SULT4A1: variants seen among roughly 807,000 people sequenced by gnomAD.
SULT4A1 encodes the protein sulfotransferase family 4A member 1.
SULT4A1 carries 11 observed loss-of-function variants against 35.2 expected under a neutral mutation model. The ratio of observed to expected loss-of-function variants is 0.31; its 90% CI spans 0.20 to 0.52. The LOEUF (loss-of-function observed/expected upper bound fraction) is 0.52, where lower values mean the gene tolerates loss of function less well. SULT4A1 is among the 20% of genes least tolerant of loss of function. The pLI is 0.97. For synonymous variants in SULT4A1, 152 were observed against 151.8 expected, an observed-to-expected ratio of 1.00 and a Z score of -0.01; for missense variants, 271 against 383.7, an observed-to-expected ratio of 0.71 and a Z score of 2.45.
At chr22:43,840,825 C>T (rs2063420981) in intron 2 of SULT4A1, among the ~76,000 whole-genome samples, 2 of 152,240 alleles carry the variant, frequency 1.3e-5, no homozygotes, top group African/African-American at 4.8e-5. Flanking sequence ...TTGCCTGCAA[C>T]CCCCAGGCTT....
chr22:43,840,886 C>T (rs952128466), intron 2 of SULT4A1, among the ~76,000 whole-genome samples: 10 of 152,126 alleles, frequency 6.6e-5, no homozygotes, highest in African/African-American at 2.2e-4. Flanking sequence ...TCTTTGCTCA[C>T]GGGTCCCTCT....
chr22:43,858,049 C>CAAAAA (rs11362056), intron 1 of SULT4A1, among the ~76,000 whole-genome samples: 3 of 91,764 alleles, frequency 3.3e-5, no homozygotes, highest in African/African-American at 4.6e-5. Flanking sequence ...GATCCTGTCT[C>CAAAAA]AAAAAAAAAA....
intron 1 of SULT4A1, among the ~76,000 whole-genome samples, chr22:43,845,354 C>T (rs935811213): frequency 6.6e-6 from 1 of 152,178 alleles, no homozygotes; most frequent in Non-Finnish European, 1.5e-5. Flanking sequence ...TGGGACCCAG[C>T]CAGCTCTGGG....
intron 1 of SULT4A1, among the ~76,000 whole-genome samples, chr22:43,845,474 G>A (rs574640421): frequency 3.3e-5 from 5 of 152,274 alleles, no homozygotes; most frequent in East Asian, 1.9e-4. Context: ...TGGCTCACCC[G>A]GCTCCTCTCC....
chr22:43,828,997 G>A, intron 6 of SULT4A1, 63 bp downstream of exon 6: 7 of 1,461,176 alleles, frequency 4.8e-6, no homozygotes, highest in Non-Finnish European at 5.5e-6. Context: ...CCCTAAGCAG[G>A]CAGAGAAAGC....
At chr22:43,856,843 C>T (rs146936115) in intron 1 of SULT4A1, among the ~76,000 whole-genome samples, 3 of 152,206 alleles carry the variant, frequency 2.0e-5, no homozygotes, top group African/African-American at 4.8e-5. Flanking sequence ...GTTGAAAAGC[C>T]GGCCTCATTT....
At chr22:43,843,438 AATTCTCTGACCTGCCTTTTCTG>A (rs1349737033) in intron 1 of SULT4A1, among the ~76,000 whole-genome samples, 2 of 151,930 alleles carry the variant, frequency 1.3e-5, no homozygotes, top group Non-Finnish European at 2.9e-5. Context: ...CAAAAAGAAA[AATTCTCTGACCTGCCTTTTCTG>A]ACTGTGTGGG....
At chr22:43,853,312 A>G (rs956612874) in intron 1 of SULT4A1, among the ~76,000 whole-genome samples, 1 of 152,194 alleles carries the variant, frequency 6.6e-6, no homozygotes, top group African/African-American at 2.4e-5. Context: ...GCTACGATCA[A>G]GCAAGGGTGA....
chr22:43,846,580 A>T (rs1209879909), intron 1 of SULT4A1, among the ~76,000 whole-genome samples: 2 of 152,236 alleles, frequency 1.3e-5, no homozygotes, highest in African/African-American at 2.4e-5. Flanking sequence ...TGAAGGAAGG[A>T]AGTGGTCTGG....
chr22:43,857,133 A>G (rs1409952504), intron 1 of SULT4A1, among the ~76,000 whole-genome samples: 1 of 152,190 alleles, frequency 6.6e-6, no homozygotes, highest in Non-Finnish European at 1.5e-5. Flanking sequence ...AAAAAACATA[A>G]CAGAAACATT....
At position 43,862,327 on chromosome 22, in the gene SULT4A1, T is replaced by C; in HGVS notation, c.56A>G (p.Tyr19Cys). ...PSTPGEFESK[Y>C]FEFHGVRLPP... ...CAGCCGCACGCCATGGAACTCGAAG[T>C]ACTTGCTCTCGAACTCCCCCGGGGT... The change falls in exon 1 of 7, where the codon TAC becomes TGC. Residue 19 changes from tyrosine to cysteine, a missense_variant. Tyr to Cys is a radical substitution (Grantham distance 194, BLOSUM62 -2). Coordinates refer to ENST00000330884, the MANE Select transcript of SULT4A1 (RefSeq NM_014351.4). 6.4e-7 allele frequency: 1 copy of C among 1,553,692 alleles called. No homozygotes were observed. Among genetic ancestry groups the C allele is most frequent in the Non-Finnish European group, 8.7e-7 (1 of 1,148,380 alleles).
At chr22:43,837,137 T>C (rs1044390107) in intron 4 of SULT4A1, among the ~76,000 whole-genome samples, 1 of 152,216 alleles carries the variant, frequency 6.6e-6, no homozygotes, top group Non-Finnish European at 1.5e-5. Context: ...CTTCAGGACA[T>C]CAGGGAGGGG....
At chr22:43,827,183 C>T in intron 6 of SULT4A1, 2 of 985,394 alleles carry the variant, frequency 2.0e-6, no homozygotes, top group Non-Finnish European at 2.4e-6. Flanking sequence ...GAATTCTTTC[C>T]ATTGTCAGCT....
At chr22:43,855,143 C>A in intron 1 of SULT4A1, among the ~76,000 whole-genome samples, 1 of 152,234 alleles carries the variant, frequency 6.6e-6, no homozygotes, top group East Asian at 1.9e-4. Context: ...ACTGACCCCA[C>A]TCATGACCCC....
At chr22:43,838,688 C>G (rs889454357) in intron 4 of SULT4A1, among the ~76,000 whole-genome samples, 179 bp downstream of exon 4, 5 of 152,234 alleles carry the variant, frequency 3.3e-5, no homozygotes, top group African/African-American at 1.2e-4. Flanking sequence ...GCTCTAGGAT[C>G]TCGGCCACGT....
intron 1 of SULT4A1, among the ~76,000 whole-genome samples, chr22:43,845,829 T>C (rs181601490): frequency 2.0e-5 from 3 of 152,284 alleles, no homozygotes; most frequent in Non-Finnish European, 4.4e-5. Context: ...ATCTGGGCTA[T>C]GTGGTCCTCA....
intron 6 of SULT4A1, chr22:43,827,540 A>G (rs2063296170): frequency 1.5e-6 from 2 of 1,361,668 alleles, no homozygotes; most frequent in Non-Finnish European, 2.0e-6. Context: ...AATCAAGACA[A>G]TTTATGCTGT....
intron 6 of SULT4A1, chr22:43,826,979 AAGAC>A: frequency 1.0e-6 from 1 of 985,422 alleles, no homozygotes; most frequent in Non-Finnish European, 1.2e-6. Context: ...GGAAAAACGA[AAGAC>A]AGCTCAACAT....
At chr22:43,831,648 C>A (rs746404874) in intron 5 of SULT4A1, among the ~76,000 whole-genome samples, 1 of 152,244 alleles carries the variant, frequency 6.6e-6, no homozygotes, top group African/African-American at 2.4e-5. Context: ...AACAGAGCTC[C>A]GCGCCACGCA....
Sources: gnomAD v4.1 joint callset for allele counts (sites outside exome capture counted in the v4.1 genomes callset) on GRCh38, gnomAD v4.1.1 for gene constraint, MANE v1.5 for transcripts, NCBI Gene and HGNC (gene_info 2026-07-23, HGNC 2026-07-21) for gene names.